CPEB3: variants seen among roughly 807,000 people sequenced by gnomAD.
The protein encoded by CPEB3 is cytoplasmic polyadenylation element-binding protein 3.
CPEB3 carries 20 observed loss-of-function variants against 67.2 expected under a neutral mutation model. The observed-to-expected ratio is 0.30, with a 90% CI of 0.21 to 0.43. CPEB3 has a LOEUF of 0.43. Among genes scored for constraint, CPEB3 ranks in the 20% least tolerant of loss-of-function variants. The pLI is 1.00. For synonymous variants in CPEB3, 376 were observed against 393.1 expected (o/e 0.96, Z 0.51); for missense variants, 746 against 968.6 (o/e 0.77, Z 3.05).
intron 6 of CPEB3, among the ~76,000 whole-genome samples, chr10:92,121,055 C>T (rs1395509655): frequency 4.7e-5 from 7 of 148,734 alleles, no homozygotes; most frequent in Admixed American, 1.4e-4. Flanking sequence ...GTCACCCAGG[C>T]TGGAGTGCAG....
intron 7 of CPEB3, among the ~76,000 whole-genome samples, chr10:92,099,061 C>T (rs553493390): frequency 1.3e-5 from 2 of 151,926 alleles, no homozygotes; most frequent in Non-Finnish European, 2.9e-5. Context: ...CGTGAGCCAC[C>T]ATGCCTAGCC....
At chr10:92,168,842 C>G (rs1314720120) in intron 4 of CPEB3, among the ~76,000 whole-genome samples, 1 of 136,796 alleles carries the variant, frequency 7.3e-6, no homozygotes, top group Non-Finnish European at 1.5e-5. Flanking sequence ...GTTGCCCAGG[C>G]TGGAGTGCAA....
chr10:92,233,801 G>A (rs572078936), intron 2 of CPEB3, among the ~76,000 whole-genome samples: 2 of 152,122 alleles, frequency 1.3e-5, no homozygotes, highest in East Asian at 3.9e-4. Context: ...CCTTTAACTT[G>A]GGAATAGAAG....
At chr10:92,148,870 T>G (rs898132612) in intron 4 of CPEB3, among the ~76,000 whole-genome samples, 27 of 151,958 alleles carry the variant, frequency 1.8e-4, no homozygotes, top group African/African-American at 6.0e-4. Flanking sequence ...TATTTTCCCA[T>G]TTTTTGAATT....
intron 1 of CPEB3, among the ~76,000 whole-genome samples, chr10:92,257,265 A>G (rs1852555831): frequency 6.6e-6 from 1 of 152,246 alleles, no homozygotes; most frequent in Non-Finnish European, 1.5e-5. Flanking sequence ...ATTGGAAGGC[A>G]TAACATTGAT....
At chr10:92,079,398 G>A (rs149459659) in intron 9 of CPEB3, among the ~76,000 whole-genome samples, 1,972 of 152,216 alleles carry the variant, frequency 0.013, 15 homozygotes, top group Middle Eastern at 0.041. Context: ...TTACAAAAGG[G>A]CATGCTCAGA....
At chr10:92,175,477 A>G (rs1848184365) in intron 4 of CPEB3, among the ~76,000 whole-genome samples, 1 of 151,990 alleles carries the variant, frequency 6.6e-6, no homozygotes, top group African/African-American at 2.4e-5. Context: ...CCCGCATCAT[A>G]TGATAGTTGT....
chr10:92,288,305 T>A (rs1027280779), intron 1 of CPEB3, among the ~76,000 whole-genome samples: 37 of 151,914 alleles, frequency 2.4e-4, no homozygotes, highest in African/African-American at 3.4e-4. Flanking sequence ...ACAAAAAAAA[T>A]TTTTTTAAGC....
At chr10:92,272,099 G>C (rs759132222) in intron 1 of CPEB3, 1 of 151,822 alleles carries the variant, frequency 6.6e-6, no homozygotes, top group African/African-American at 2.4e-5. Flanking sequence ...TTGGTCATTG[G>C]TGTCCCTTCC....
intron 1 of CPEB3, among the ~76,000 whole-genome samples, chr10:92,259,622 T>C (rs78671795): frequency 6.6e-6 from 1 of 151,610 alleles, no homozygotes; most frequent in African/African-American, 2.4e-5. Context: ...AAAAATCATC[T>C]ATCTGTACCA....
At chr10:92,124,446 C>G (rs959000205) in intron 6 of CPEB3, among the ~76,000 whole-genome samples, 2 of 152,082 alleles carry the variant, frequency 1.3e-5, no homozygotes, top group African/African-American at 4.8e-5. Flanking sequence ...CAAAACAGAA[C>G]AAAACAAAAC....
At chr10:92,089,534 C>T (rs1564768785) in intron 8 of CPEB3, among the ~76,000 whole-genome samples, 1 of 152,088 alleles carries the variant, frequency 6.6e-6, no homozygotes, top group Non-Finnish European at 1.5e-5. Flanking sequence ...CACCTGTAAT[C>T]CCAGCACTTT....
In CPEB3 at chr10:92,215,231, C is replaced by A. The variant is rs1188589735; in HGVS notation, c.1006-22595G>T. On this transcript the variant is annotated intron_variant, in intron 2 of 9. Transcript: ENST00000265997. Reference sequence around the variant, plus strand: ...GCAGTAGTGCAATCTCAGCTCACTGCAACTTCAACCTCCTGGGTTCAATCG... The same window carrying A: ...GCAGTAGTGCAATCTCAGCTCACTGAAACTTCAACCTCCTGGGTTCAATCG... Among the ~76,000 whole-genome samples the A allele has an allele frequency of 2.6e-5, 4 of 151,394 alleles. 1 individual carries two copies. Among genetic ancestry groups the A allele is most frequent in the Admixed American group, 2.6e-4 (4 of 15,142 alleles).
At chr10:92,169,876 G>A (rs1295845945) in intron 4 of CPEB3, among the ~76,000 whole-genome samples, 2 of 151,958 alleles carry the variant, frequency 1.3e-5, no homozygotes, top group African/African-American at 4.8e-5. Context: ...ATTCTCCTTT[G>A]GATAAACCTA....
intron 2 of CPEB3, among the ~76,000 whole-genome samples, chr10:92,224,406 T>C (rs1226874282): frequency 6.6e-6 from 1 of 152,208 alleles, no homozygotes; most frequent in African/African-American, 2.4e-5. Context: ...TTGAGAAAGC[T>C]GAAGACACAG....
Position 92,216,450 on chromosome 10 carries a change from C to T in CPEB3, c.1005+22896G>A, listed in dbSNP as rs1311926000. ...AACCCCATCGCGCAGCTCCTGGCTT[C>T]TCGCCGCCTCAAGCGGAAGCTCTAC... On this transcript the variant is annotated intron_variant, in intron 2 of 9. Coordinates refer to ENST00000265997, the MANE Select transcript of CPEB3 (RefSeq NM_014912.5). The T allele has an allele frequency of 3.8e-5, 62 of 1,612,770 alleles. No homozygotes were observed. The Middle Eastern group carries it at 2.2e-3, about 57-fold the overall frequency.
At chr10:92,114,277 C>T (rs968996483) in intron 6 of CPEB3, among the ~76,000 whole-genome samples, 1 of 152,216 alleles carries the variant, frequency 6.6e-6, no homozygotes, top group African/African-American at 2.4e-5. Context: ...CAAGCAAACC[C>T]AGATGACAAC....
intron 1 of CPEB3, among the ~76,000 whole-genome samples, chr10:92,278,601 CTTTT>C (rs1294501874): frequency 7.7e-6 from 1 of 129,218 alleles, no homozygotes; most frequent in Non-Finnish European, 1.7e-5. Context: ...TTGACTGGTT[CTTTT>C]TTTTTTTTTT....
intron 7 of CPEB3, among the ~76,000 whole-genome samples, chr10:92,107,975 G>C (rs892313914): frequency 1.3e-5 from 2 of 152,126 alleles, no homozygotes; most frequent in African/African-American, 2.4e-5. Flanking sequence ...AAAAAAGCAA[G>C]TATGATCCTG....
Sources: gnomAD v4.1 joint callset for allele counts (sites outside exome capture counted in the v4.1 genomes callset) on GRCh38, gnomAD v4.1.1 for gene constraint, MANE v1.5 for transcripts, NCBI Gene and HGNC (gene_info 2026-07-23, HGNC 2026-07-21) for gene names.